SLC5A5: variants seen among roughly 807,000 people sequenced by gnomAD.
SLC5A5 encodes the protein sodium/iodide cotransporter.
Under a neutral mutation model 68.6 loss-of-function variants are expected in SLC5A5, and 56 were observed. The ratio of observed to expected loss-of-function variants is 0.82; its 90% CI spans 0.66 to 1.02. SLC5A5 has a LOEUF of 1.02. Ranked by LOEUF, SLC5A5 falls within the 50% of genes least tolerant of loss-of-function variation. The probability of loss-of-function intolerance (pLI) is 0.00; values close to 1 mark genes in which losing one functional copy is unlikely to be tolerated. For missense variants in SLC5A5, 807 were observed against 859.8 expected (o/e 0.94, Z 0.77); for synonymous variants, 398 against 373.0 (o/e 1.07, Z -0.77).
intron 7 of SLC5A5, among the ~76,000 whole-genome samples, chr19:17,880,566 G>A (rs987631684): frequency 3.9e-5 from 6 of 152,118 alleles, no homozygotes; most frequent in African/African-American, 7.2e-5. Flanking sequence ...GCATGGTGGC[G>A]CACACCTGTG....
intron 12 of SLC5A5, 76 bp downstream of exon 12, chr19:17,884,122 A>C: frequency 1.6e-6 from 2 of 1,282,096 alleles, no homozygotes; most frequent in Non-Finnish European, 1.1e-6. Flanking sequence ...CTTGCCCTGC[A>C]CTCTGTGTAA....
intron 7 of SLC5A5, among the ~76,000 whole-genome samples, chr19:17,878,660 G>A (rs1446558305): frequency 6.6e-6 from 1 of 152,008 alleles, no homozygotes; most frequent in Non-Finnish European, 1.5e-5. Flanking sequence ...AGATCCCCTG[G>A]GAGATGCTCA....
intron 4 of SLC5A5, 57 bp downstream of exon 4, chr19:17,874,788 T>C (rs1298372788): frequency 1.4e-5 from 22 of 1,543,358 alleles, no homozygotes; most frequent in Non-Finnish European, 2.0e-5. Flanking sequence ...GTGTCTCTTG[T>C]GGGGAGACTC....
Position 17,888,440 on chromosome 19 carries a change from A to C in SLC5A5, c.1636A>C (p.Ile546Leu), listed in dbSNP as rs372832766. Residue 546 changes from isoleucine to leucine, a missense_variant, in exon 13 of 15, where the codon ATC becomes CTC. Ile to Leu is a conservative substitution (Grantham distance 5). Coordinates refer to ENST00000222248, the MANE Select transcript of SLC5A5 (RefSeq NM_000453.3). ...GACCACTGTGCTGTGCGGAGCCCTCATCAGCTGCCTGACAGGTAGGTAAAC... is the reference window on the plus strand; with the variant it reads ...GACCACTGTGCTGTGCGGAGCCCTCCTCAGCTGCCTGACAGGTAGGTAAAC... ...TLTTVLCGALISCLTGPTKRS... is the reference protein window; with the variant it reads ...TLTTVLCGALLSCLTGPTKRS... 3.7e-6 allele frequency: 6 copies of C among 1,613,680 alleles called. No homozygotes were observed. The African/African-American group carries it at 8.0e-5, about 22-fold the overall frequency.
At chr19:17,882,261 G>C in intron 10 of SLC5A5, 42 bp downstream of exon 10, 1 of 1,509,346 alleles carries the variant, frequency 6.6e-7, no homozygotes, top group Non-Finnish European at 9.2e-7. Flanking sequence ...CCTGAGAGGT[G>C]GGGGCACCTT....
At chr19:17,893,441 G>A (rs1310057485) in intron 14 of SLC5A5, among the ~76,000 whole-genome samples, 1 of 152,094 alleles carries the variant, frequency 6.6e-6, no homozygotes, top group Non-Finnish European at 1.5e-5. Context: ...AGGCAGAGAA[G>A]CAGAGAAAGG....
rs1276411035 is a variant in SLC5A5, at chr19:17,883,562, A to G, written c.1243-119A>G. ...CTCCCCTTTAGGGAAACTGAGACAC[A>G]GAGGAGTCCTTGAGACCCACATTGG... On this transcript the variant is annotated intron_variant, in intron 10 of 14. Coordinates refer to ENST00000222248, the MANE Select transcript of SLC5A5 (RefSeq NM_000453.3). The G allele has an allele frequency of 4.8e-6, 4 of 839,626 alleles. No homozygotes were observed. The Admixed American group carries it at 6.9e-5, about 14-fold the overall frequency. The allele number at this position is 839,626 out of a possible 1,614,324, so 52.0% of individuals were successfully genotyped here.
intron 12 of SLC5A5, among the ~76,000 whole-genome samples, chr19:17,886,165 C>T (rs2029911199): frequency 6.6e-6 from 1 of 152,102 alleles, no homozygotes; most frequent in African/African-American, 2.4e-5. Flanking sequence ...CACTGCACTC[C>T]AGTCTGGGTA....
rs561797599 is a variant in SLC5A5 at position 17,877,298 on chromosome 19, AT to A, written c.699-420del. On this transcript the variant is annotated intron_variant, in intron 5 of 14. Coordinates refer to ENST00000222248, the MANE Select transcript of SLC5A5 (RefSeq NM_000453.3). ...AACCCACTCCATTTATTATTTATTT[AT>A]TTTTAATTTAATTAATTTTTTTTTT... 5.3e-5 allele frequency among the ~76,000 whole-genome samples: 8 copies of A among 151,752 alleles called. 1 individual carries two copies. In the South Asian group the frequency reaches 1.7e-3, roughly 31 times the overall value.
In SLC5A5 at chr19:17,882,089, C is replaced by G. The variant is rs752717994; in HGVS notation, c.1171+17C>G. On this transcript the variant is annotated intron_variant, in intron 9 of 14. Transcript: ENST00000222248. ...AGGGGCTCTGTGAGTTTCAGGGAGA[C>G]CTGGGTGGGAGGCCAGGGCAGTCCC... The G allele has an allele frequency of 1.2e-6, 2 of 1,612,152 alleles. No individual in the cohort carries two copies. The highest frequency in any genetic ancestry group is 1.7e-6 in the Non-Finnish European group (2 of 1,178,154).
At chr19:17,872,938 C>A (rs560890234) in intron 1 of SLC5A5, among the ~76,000 whole-genome samples, 1 of 152,186 alleles carries the variant, frequency 6.6e-6, no homozygotes, top group Admixed American at 6.5e-5. Flanking sequence ...GGGCCCGGCT[C>A]GACCAGGTGT....
intron 4 of SLC5A5, among the ~76,000 whole-genome samples, chr19:17,875,527 C>A (rs1440554921): frequency 2.0e-5 from 3 of 152,096 alleles, no homozygotes; most frequent in South Asian, 2.1e-4. Flanking sequence ...CTTTGAGAGG[C>A]CAAGGTAGGA....
intron 7 of SLC5A5, among the ~76,000 whole-genome samples, chr19:17,880,462 G>A (rs939437248): frequency 2.6e-5 from 4 of 152,140 alleles, no homozygotes; most frequent in African/African-American, 4.8e-5. Flanking sequence ...TGATCCACCC[G>A]CCTCGGCCTC....
intron 13 of SLC5A5, among the ~76,000 whole-genome samples, chr19:17,889,259 C>T (rs377650873): frequency 9.2e-5 from 14 of 151,646 alleles, no homozygotes; most frequent in South Asian, 2.1e-4. Context: ...ATTAGCTGGG[C>T]ATGGTGGCAG....
chr19:17,885,213 G>A (rs1193970567), intron 12 of SLC5A5, among the ~76,000 whole-genome samples: 1 of 151,852 alleles, frequency 6.6e-6, no homozygotes, highest in Non-Finnish European at 1.5e-5. Flanking sequence ...GTCTGGCTAT[G>A]TTGCCCAGGC....
At chr19:17,886,691 T>C (rs1028742925) in intron 12 of SLC5A5, among the ~76,000 whole-genome samples, 1 of 152,160 alleles carries the variant, frequency 6.6e-6, no homozygotes, top group African/African-American at 2.4e-5. Context: ...CATATGAGGA[T>C]TCTAACTTCT....
chr19:17,881,098 T>A (rs2094319795), intron 8 of SLC5A5, 145 bp downstream of exon 8: 1 of 727,188 alleles, frequency 1.4e-6, no homozygotes, highest in Admixed American at 2.0e-5. Context: ...ACAGCTCAGG[T>A]AGGCGCTGGC....
chr19:17,892,652 C>CAGAGAGAG (rs58081153), intron 14 of SLC5A5, among the ~76,000 whole-genome samples: 6,176 of 97,234 alleles, frequency 0.064, 566 homozygotes, highest in Non-Finnish European at 0.081. Context: ...AAAGAAAAGA[C>CAGAGAGAG]AGAGAGAGAG....
At chr19:17,889,627 C>T (rs191584485) in intron 13 of SLC5A5, among the ~76,000 whole-genome samples, 3 of 152,102 alleles carry the variant, frequency 2.0e-5, no homozygotes, top group African/African-American at 7.2e-5. Context: ...TGCGCGCCAA[C>T]GTGCCCGGCT....
Sources: gnomAD v4.1 joint callset for allele counts (sites outside exome capture counted in the v4.1 genomes callset) on GRCh38, gnomAD v4.1.1 for gene constraint, MANE v1.5 for transcripts, NCBI Gene and HGNC (gene_info 2026-07-23, HGNC 2026-07-21) for gene names.